Variants in CDC73 observed in about 807,000 individuals in gnomAD.
CDC73 encodes parafibromin.
CDC73 carries 21 observed loss-of-function variants against 83.7 expected under a neutral mutation model. The ratio of observed to expected loss-of-function variants is 0.25; its 90% confidence interval spans 0.18 to 0.36. The LOEUF (loss-of-function observed/expected upper bound fraction) is 0.36. Ranked by LOEUF, CDC73 falls within the 10% of genes least tolerant of loss-of-function variation. The pLI is 1.00. For missense variants in CDC73, 342 were observed against 653.3 expected, an observed-to-expected ratio of 0.52 and a Z score of 5.19; for synonymous variants, 224 against 212.9, an observed-to-expected ratio of 1.05 and a Z score of -0.45.
At chr1:193,236,404 CTTTA>C (rs771075056) in intron 15 of CDC73, 48 bp downstream of exon 15, 5 of 1,200,864 alleles carry the variant, frequency 4.2e-6, no homozygotes, top group African/African-American at 3.0e-5. Flanking sequence ...AATGTTCTCA[CTTTA>C]TTTAAGAGAA....
At chr1:193,168,907 T>C (rs944027479) in intron 10 of CDC73, among the ~76,000 whole-genome samples, 2 of 152,252 alleles carry the variant, frequency 1.3e-5, no homozygotes, top group Non-Finnish European at 1.5e-5. Flanking sequence ...TTATAGATGC[T>C]ACAATTTGAA....
At chr1:193,138,195 A>C (rs779650338) in intron 6 of CDC73, 22 bp downstream of exon 6, 1 of 1,452,894 alleles carries the variant, frequency 6.9e-7, no homozygotes, top group East Asian at 2.3e-5. Flanking sequence ...TTTTAAGTAG[A>C]AAGTAGGTAG....
At chr1:193,232,862 C>A in intron 13 of CDC73, 131 bp from the exon 14 acceptor site, 1 of 702,916 alleles carries the variant, frequency 1.4e-6, no homozygotes, top group Non-Finnish European at 2.4e-6. Context: ...AAGATTGCAC[C>A]ACTGCACTCT....
intron 10 of CDC73, among the ~76,000 whole-genome samples, chr1:193,176,941 G>A (rs959938602): frequency 1.3e-5 from 2 of 152,146 alleles, no homozygotes; most frequent in African/African-American, 4.8e-5. Flanking sequence ...CAAGAGATAA[G>A]CAGTAATGTG....
At chr1:193,134,844 G>A (rs569596572) in intron 3 of CDC73, among the ~76,000 whole-genome samples, 1 of 152,132 alleles carries the variant, frequency 6.6e-6, no homozygotes, top group African/African-American at 2.4e-5. Context: ...ACTCTAGAAG[G>A]ATATATAAGA....
rs1572187694 is a variant in CDC73 at position 193,190,760 on chromosome 1, T to A, written c.973-13035T>A. On this transcript the variant is annotated intron_variant, in intron 10 of 16. Coordinates refer to ENST00000367435, the MANE Select transcript of CDC73 (RefSeq NM_024529.5). The stretch of plus-strand genomic sequence containing the variant: ...AGCAGTGATTTGGCAAATACTTTAT[T>A]ATGCTTGTGTATTCCTTGGTTTTTC... 2.0e-5 allele frequency among the ~76,000 whole-genome samples: 3 copies of A among 152,368 alleles called. No individual in the cohort carries two copies. The East Asian group carries it at 5.8e-4, about 29-fold the overall frequency.
chr1:193,159,239 A>T (rs1453353783), intron 10 of CDC73, among the ~76,000 whole-genome samples: 1 of 152,210 alleles, frequency 6.6e-6, no homozygotes, highest in African/African-American at 2.4e-5. Context: ...TTGTTACAGC[A>T]AATTAAGCTT....
chr1:193,151,768 C>G (rs929969807), intron 9 of CDC73, among the ~76,000 whole-genome samples: 1 of 151,838 alleles, frequency 6.6e-6, no homozygotes, highest in Non-Finnish European at 1.5e-5. Context: ...ACTAAAAATA[C>G]AAAAAAATAC....
intron 15 of CDC73, among the ~76,000 whole-genome samples, chr1:193,246,023 T>G (rs1677947796): frequency 6.6e-6 from 1 of 152,204 alleles, no homozygotes; most frequent in South Asian, 2.1e-4. Context: ...ATATTCTGAT[T>G]ATTAATCCCC....
At position 193,192,416 on chromosome 1, in the gene CDC73, C is replaced by G. The variant is rs141310571; in HGVS notation, c.973-11379C>G. Among the ~76,000 whole-genome samples the G allele has an allele frequency of 9.5e-3, 1,444 of 152,290 alleles. 15 individuals carry two copies. Among genetic ancestry groups the G allele is most frequent in the South Asian group, 0.034 (164 of 4,822 alleles). On this transcript the variant is annotated intron_variant, in intron 10 of 16. Transcript: ENST00000367435. Reference sequence around the variant, plus strand: ...CGAGATCGCGCCACTGCACTCCAGCCTGGGCGACAGAGTGAGACACTGTCT... The same window carrying G: ...CGAGATCGCGCCACTGCACTCCAGCGTGGGCGACAGAGTGAGACACTGTCT...
intron 10 of CDC73, among the ~76,000 whole-genome samples, chr1:193,175,009 C>T (rs573387125): frequency 1.3e-5 from 2 of 152,058 alleles, no homozygotes; most frequent in South Asian, 2.1e-4. Context: ...AAATAAGTCT[C>T]GAGGGAGAGA....
rs1572139906 is a variant in CDC73, at chr1:193,122,338, C to G, written c.131+7C>G. 1 of 1,614,024 alleles carries G rather than the reference C, an allele frequency of 6.2e-7. No homozygotes were observed. Among genetic ancestry groups the G allele is most frequent in the Non-Finnish European group, 8.5e-7 (1 of 1,179,962 alleles). On this transcript the variant is annotated splice_region_variant and intron_variant, in intron 1 of 16. Transcript: ENST00000367435. ...CCAACTATGTTGTTTGGGGGTAAGT[C>G]CGGCATGGCTGTGGCCCAGGGGTGG...
chr1:193,212,560 T>G lies in CDC73; in HGVS notation c.1154+83T>G, dbSNP rs1041574746. 3.1e-6 allele frequency: 3 copies of G among 955,084 alleles called. No individual in the cohort carries two copies. In the Admixed American group the frequency reaches 6.3e-5, roughly 20 times the overall value. The allele number at this position is 955,084 out of a possible 1,614,324, so 59.2% of individuals were successfully genotyped here. On this transcript the variant is annotated intron_variant, in intron 13 of 16. Coordinates refer to ENST00000367435, the MANE Select transcript of CDC73 (RefSeq NM_024529.5). ...GTAGTTACTGAATCAGTATTACTTATTTGGAAAAAACAAAATTTCGGTTTC... is the reference window on the plus strand; with the variant it reads ...GTAGTTACTGAATCAGTATTACTTAGTTGGAAAAAACAAAATTTCGGTTTC...
chr1:193,243,944 C>A (rs1039574727), intron 15 of CDC73, among the ~76,000 whole-genome samples: 1 of 152,092 alleles, frequency 6.6e-6, no homozygotes, highest in South Asian at 2.1e-4. Context: ...CAATATGAAA[C>A]AAGCAATCCA....
intron 11 of CDC73, among the ~76,000 whole-genome samples, chr1:193,204,815 G>A (rs1294038460): frequency 6.6e-6 from 1 of 152,096 alleles, no homozygotes; most frequent in African/African-American, 2.4e-5. Context: ...AGCTATTTAT[G>A]TATATCCATC....
Position 193,218,762 on chromosome 1 carries a change from A to C in CDC73, c.1154+6285A>C, listed in dbSNP as rs574303312. 3.3e-5 allele frequency among the ~76,000 whole-genome samples: 5 copies of C among 152,332 alleles called. No individual in the cohort carries two copies. The East Asian group carries it at 9.6e-4, about 29-fold the overall frequency. On this transcript the variant is annotated intron_variant, in intron 13 of 16. Transcript: ENST00000367435. ...TTCACCATATGCAAAAATCAACTCA[A>C]GATGGATTAAAAGACTTAATTGTAG...
intron 10 of CDC73, among the ~76,000 whole-genome samples, chr1:193,173,198 G>T (rs1469052400): frequency 6.6e-6 from 1 of 152,126 alleles, no homozygotes; most frequent in Admixed American, 6.5e-5. Flanking sequence ...TGAAGCAGCT[G>T]TTAAAAGGGT....
At chr1:193,149,830 C>T (rs1448072235) in intron 8 of CDC73, among the ~76,000 whole-genome samples, 1 of 151,770 alleles carries the variant, frequency 6.6e-6, no homozygotes. Context: ...AGACTGACAG[C>T]CTTTTCTAAT....
intron 8 of CDC73, among the ~76,000 whole-genome samples, 195 bp from the exon 9 acceptor site, chr1:193,150,109 A>T (rs563047840): frequency 2.8e-5 from 4 of 143,886 alleles, no homozygotes; most frequent in Non-Finnish European, 4.6e-5. Context: ...TTGTCTTTAT[A>T]AAAAAAAAAA....
Sources: gnomAD v4.1 joint callset for allele counts (sites outside exome capture counted in the v4.1 genomes callset) on GRCh38, gnomAD v4.1.1 for gene constraint, MANE v1.5 for transcripts, NCBI Gene and HGNC (gene_info 2026-07-23, HGNC 2026-07-21) for gene names.